JMJD1C: variants seen among roughly 807,000 people sequenced by gnomAD.
The protein encoded by JMJD1C is jumonji domain containing 1C.
JMJD1C carries 31 observed loss-of-function variants against 245.3 expected under a neutral mutation model. That is an observed-to-expected ratio of 0.13 (90% CI 0.09 to 0.17). JMJD1C has a LOEUF of 0.17. Ranked by LOEUF, JMJD1C falls within the 10% of genes least tolerant of loss-of-function variation. The pLI, the probability that JMJD1C is intolerant of heterozygous loss-of-function variation, is 1.00. For synonymous variants in JMJD1C, 1,057 were observed against 1,017.4 expected, an observed-to-expected ratio of 1.04 and a Z score of -0.74; for missense variants, 2,691 against 3,000.2, an observed-to-expected ratio of 0.90 and a Z score of 2.41.
Position 63,214,605 on chromosome 10 carries a change from A to G in JMJD1C, c.1562T>C (p.Val521Ala), listed in dbSNP as rs1183323761. 2 of 1,614,064 alleles carry G rather than the reference A, an allele frequency of 1.2e-6. No homozygotes were observed. The highest frequency in any genetic ancestry group is 1.7e-6 in the Non-Finnish European group (2 of 1,179,984). ...DITNDTNLEK[V>A]AQENSSTFGL... Reference sequence around the variant, plus strand: ...AAAGGTACTTGAGTTTTCCTGAGCCACCTTTTCTAAATTAGTGTCATTTGT... The same window carrying G: ...AAAGGTACTTGAGTTTTCCTGAGCCGCCTTTTCTAAATTAGTGTCATTTGT... Residue 521 changes from valine (V) to alanine (A), a missense_variant, in exon 8 of 26, where the codon GTG becomes GCG. Physicochemically the swap from Val to Ala is moderately conservative, Grantham distance 64. This residue lies in a region of JMJD1C where 1,562 missense variants were observed against 1,490.7 expected (regional missense o/e 1.05). Coordinates refer to ENST00000399262, the MANE Select transcript of JMJD1C (RefSeq NM_032776.3).
At chr10:63,367,229 TTTTTTG>T (rs1564839651) in intron 2 of JMJD1C, among the ~76,000 whole-genome samples, 5 of 152,064 alleles carry the variant, frequency 3.3e-5, no homozygotes, top group African/African-American at 4.8e-5. Context: ...ACCCTAGTTT[TTTTTTG>T]TTTTTGTTTT....
intron 1 of JMJD1C, among the ~76,000 whole-genome samples, chr10:63,387,254 A>G (rs931396014): frequency 6.6e-6 from 1 of 152,226 alleles, no homozygotes; most frequent in African/African-American, 2.4e-5. Flanking sequence ...GAAATAAAAG[A>G]AACAAGAAGA....
intron 2 of JMJD1C, among the ~76,000 whole-genome samples, chr10:63,268,093 G>A (rs1486088726): frequency 2.8e-5 from 4 of 143,992 alleles, no homozygotes; most frequent in East Asian, 2.0e-4. Context: ...AACAATCTCC[G>A]GTTAACAGTT....
At chr10:63,247,517 G>A (rs1852372000) in intron 3 of JMJD1C, among the ~76,000 whole-genome samples, 1 of 152,018 alleles carries the variant, frequency 6.6e-6, no homozygotes, top group South Asian at 2.1e-4. Context: ...AAAGAAGGTG[G>A]ATCACTTGAG....
At chr10:63,211,430 T>C (rs1847311128) in intron 8 of JMJD1C, among the ~76,000 whole-genome samples, 1 of 147,024 alleles carries the variant, frequency 6.8e-6, no homozygotes, top group Non-Finnish European at 1.5e-5. Context: ...TGTATCACTG[T>C]ACTGTAGCCT....
Position 63,200,693 on chromosome 10 carries a change from G to C in JMJD1C, c.5075-16C>G. ...GGAATGCCAGCTGTAAAATCAGTAG[G>C]AAAGTTTTAGCAAGATTATGCTTTG... On this transcript the variant is annotated splice_polypyrimidine_tract_variant and intron_variant, in intron 10 of 25. Transcript: ENST00000399262. 1.2e-6 allele frequency: 2 copies of C among 1,609,620 alleles called. No individual in the cohort carries two copies. The highest frequency in any genetic ancestry group is 1.1e-5 in the South Asian group (1 of 90,840).
At chr10:63,465,240 C>G in intron 1 of JMJD1C, 1 of 433,938 alleles carries the variant, frequency 2.3e-6, no homozygotes, top group Non-Finnish European at 4.1e-6. Flanking sequence ...GTCGACCCCT[C>G]CGGGATGGGG....
At chr10:63,508,024 G>A (rs1049399392) in intron 1 of JMJD1C, among the ~76,000 whole-genome samples, 1 of 151,924 alleles carries the variant, frequency 6.6e-6, no homozygotes, top group Non-Finnish European at 1.5e-5. Context: ...CCTGTGGCTT[G>A]TCCTTTAATT....
At chr10:63,425,686 G>T (rs947391256) in intron 1 of JMJD1C, among the ~76,000 whole-genome samples, 10 of 152,178 alleles carry the variant, frequency 6.6e-5, no homozygotes, top group African/African-American at 2.4e-4. Flanking sequence ...GGAGGCTAAG[G>T]TGGGAGGACT....
intron 2 of JMJD1C, among the ~76,000 whole-genome samples, chr10:63,284,897 ACACACACAC>A (rs1857806602): frequency 7.4e-6 from 1 of 134,426 alleles, no homozygotes; most frequent in Non-Finnish European, 1.6e-5. Context: ...ACACACACAC[ACACACACAC>A]ATTCTCTCTA....
intron 1 of JMJD1C, among the ~76,000 whole-genome samples, chr10:63,387,633 T>A (rs1428106536): frequency 1.1e-4 from 11 of 104,500 alleles, no homozygotes; most frequent in Admixed American, 1.9e-4. Flanking sequence ...AAAAAAATTT[T>A]TTTTTTTTTT....
chr10:63,469,754 T>C (rs1564955541), upstream of JMJD1C, among the ~76,000 whole-genome samples: 1 of 152,168 alleles, frequency 6.6e-6, no homozygotes, highest in Non-Finnish European at 1.5e-5. Context: ...ATGTAAATAA[T>C]GGACTGCGTT....
At chr10:63,168,925 C>T (rs1028902821) in intron 24 of JMJD1C, among the ~76,000 whole-genome samples, 3 of 152,104 alleles carry the variant, frequency 2.0e-5, no homozygotes, top group Admixed American at 6.6e-5. Flanking sequence ...ATGAGGCAAT[C>T]TATCTGAGTA....
In JMJD1C at chr10:63,465,679, G is replaced by T; in HGVS notation, c.-17C>A. On this transcript the variant is annotated 5_prime_UTR_variant, in exon 1 of 26. Transcript: ENST00000399262. ...TACCGCCATAGCTGTCGCTGCCGAA[G>T]CGGCCGCTGCCTCCTCCAGTGCGAG... 1 of 1,606,316 alleles carries T rather than the reference G, an allele frequency of 6.2e-7. No individual in the cohort carries two copies. Among genetic ancestry groups the T allele is most frequent in the Non-Finnish European group, 8.5e-7 (1 of 1,179,788 alleles).
rs10652559 is a variant in JMJD1C, at chr10:63,191,983, C to CAAA, written c.6077-878_6077-876dup. Among the ~76,000 whole-genome samples, 55 of 60,836 alleles carry CAAA rather than the reference C, an allele frequency of 9.0e-4. 9 individuals are homozygous for CAAA. Among genetic ancestry groups the CAAA allele is most frequent in the African/African-American group, 4.8e-3 (49 of 10,258 alleles). The allele number at this position is 60,836 out of a possible 152,430, so 39.9% of individuals were successfully genotyped here. On this transcript the variant is annotated intron_variant, in intron 16 of 25. Transcript: ENST00000399262. ...TGGACAACAGAGTGAGACTCTGTCT[C>CAAA]AAAAAAAAAAAAAAAAAAAAAAAAA... is the stretch of plus-strand genomic sequence containing the variant.
At chr10:63,336,083 TGCACTCCA>T (rs1446591194) in intron 2 of JMJD1C, among the ~76,000 whole-genome samples, 2 of 151,928 alleles carry the variant, frequency 1.3e-5, no homozygotes, top group African/African-American at 4.8e-5. Context: ...ATCGCACCAC[TGCACTCCA>T]GCCTGAGTGA....
At chr10:63,440,351 AAAAT>A (rs1303664235) in intron 1 of JMJD1C, among the ~76,000 whole-genome samples, 1 of 68,026 alleles carries the variant, frequency 1.5e-5, no homozygotes, top group Non-Finnish European at 4.0e-5. Context: ...AAAAAAAAAA[AAAAT>A]ATATATATAT....
chr10:63,439,826 T>C (rs2132913942), intron 1 of JMJD1C, among the ~76,000 whole-genome samples: 1 of 152,342 alleles, frequency 6.6e-6, no homozygotes, highest in Admixed American at 6.5e-5. Context: ...CCTTCTAGTC[T>C]ACAGTTTATT....
intron 22 of JMJD1C, among the ~76,000 whole-genome samples, chr10:63,179,452 T>C (rs1362445839): frequency 1.3e-5 from 2 of 150,206 alleles, no homozygotes; most frequent in African/African-American, 2.5e-5. Context: ...GTGATATACA[T>C]ACACAATGGA....
Sources: allele counts gnomAD v4.1 joint callset (sites outside exome capture counted in the v4.1 genomes callset), GRCh38; gene constraint gnomAD v4.1.1; regional missense constraint gnomAD v4.1.1; transcripts MANE v1.5; gene names NCBI Gene and HGNC (gene_info 2026-07-23, HGNC 2026-07-21).